Variants in SLC44A1 observed in about 807,000 individuals in gnomAD.
SLC44A1 encodes the protein solute carrier family 44 member 1.
Under a neutral mutation model 79.3 loss-of-function variants are expected in SLC44A1, and 26 were observed. The observed-to-expected ratio is 0.33, with a 90% CI of 0.24 to 0.46. SLC44A1 has a LOEUF of 0.46. Among genes scored for constraint, SLC44A1 ranks in the 20% least tolerant of loss-of-function variants. The pLI, the probability that SLC44A1 is intolerant of heterozygous loss-of-function variation, is 1.00. For missense variants in SLC44A1, 688 were observed against 798.1 expected (o/e 0.86, Z 1.66); for synonymous variants, 263 against 286.2 (o/e 0.92, Z 0.82).
At chr9:105,264,437 G>A (rs765691695) in intron 1 of SLC44A1, among the ~76,000 whole-genome samples, 3 of 152,204 alleles carry the variant, frequency 2.0e-5, no homozygotes, top group African/African-American at 7.2e-5. Flanking sequence ...GAAGTGCAGG[G>A]ATTACAGGCG....
At chr9:105,309,235 G>A (rs192160390) in intron 2 of SLC44A1, among the ~76,000 whole-genome samples, 5 of 152,006 alleles carry the variant, frequency 3.3e-5, no homozygotes, top group Non-Finnish European at 7.4e-5. Context: ...TTCACTTAAC[G>A]GAACCCCTTT....
exon 16 of SLC44A1, chr9:105,438,492 C>A: frequency 2.0e-6 from 1 of 509,098 alleles, no homozygotes; most frequent in Non-Finnish European, 3.5e-6. Context: ...TAATCAAAAG[C>A]ATTTGATAGA....
At chr9:105,257,168 C>G (rs542458290) in intron 1 of SLC44A1, among the ~76,000 whole-genome samples, 15 of 152,114 alleles carry the variant, frequency 9.9e-5, no homozygotes, top group Middle Eastern at 6.8e-3. Flanking sequence ...ATGATCTCAG[C>G]TCACTGCAAC....
chr9:105,403,747 T>C (rs142102713), intron 15 of SLC44A1, among the ~76,000 whole-genome samples: 25 of 149,478 alleles, frequency 1.7e-4, no homozygotes, highest in Non-Finnish European at 3.6e-4. Flanking sequence ...AAATAAGCCT[T>C]TGGGGAAAGG....
intron 5 of SLC44A1, among the ~76,000 whole-genome samples, chr9:105,350,857 A>G (rs1230630892): frequency 1.3e-5 from 2 of 152,216 alleles, no homozygotes; most frequent in East Asian, 3.8e-4. Flanking sequence ...TTGGGTATCC[A>G]GGGGCCTTCT....
intron 15 of SLC44A1, among the ~76,000 whole-genome samples, chr9:105,429,406 C>T (rs892658694): frequency 1.3e-5 from 2 of 152,156 alleles, no homozygotes; most frequent in African/African-American, 4.8e-5. Flanking sequence ...TGGCTCAAGC[C>T]ATCCTCCCAC....
intron 5 of SLC44A1, among the ~76,000 whole-genome samples, chr9:105,350,339 T>G (rs1430722137): frequency 1.3e-5 from 2 of 152,142 alleles, no homozygotes; most frequent in Non-Finnish European, 2.9e-5. Flanking sequence ...GATCTGAGAA[T>G]AAGAATAAAT....
At chr9:105,328,775 C>T (rs1036978977) in intron 3 of SLC44A1, among the ~76,000 whole-genome samples, 1 of 152,092 alleles carries the variant, frequency 6.6e-6, no homozygotes, top group Admixed American at 6.5e-5. Flanking sequence ...TGAGATGGAT[C>T]CTTAGGTTTT....
At chr9:105,278,669 C>G (rs886695277) in intron 1 of SLC44A1, among the ~76,000 whole-genome samples, 1 of 152,178 alleles carries the variant, frequency 6.6e-6, no homozygotes, top group Non-Finnish European at 1.5e-5. Flanking sequence ...GCATGAGCCA[C>G]CATGCCTGGC....
rs935113725 is a variant in SLC44A1 at position 105,385,764 on chromosome 9, T to G, written c.1950+262T>G. ...GGCAGGGGCGGGTAGGGGATGATGG[T>G]TTTTTCCCTAAGGTAAAACTGCTGT... On this transcript the variant is annotated intron_variant, in intron 15 of 15. Transcript: ENST00000374720. The G allele has an allele frequency of 4.1e-6, 4 of 985,238 alleles. No homozygotes were observed. In the Admixed American group the frequency reaches 1.8e-4, roughly 45 times the overall value. 61.0% of individuals were successfully genotyped at this position (985,238 alleles called of 1,614,324 possible).
Position 105,304,136 on chromosome 9 carries a change from G to T in SLC44A1, c.126+4827G>T, listed in dbSNP as rs543299199. 3.3e-5 allele frequency among the ~76,000 whole-genome samples: 5 copies of T among 152,312 alleles called. No homozygotes were observed. The South Asian group carries it at 1.0e-3, about 32-fold the overall frequency. Reference sequence around the variant, plus strand: ...TGGATTTAGGGGACATCATCTCATAGTTTGTCCCTTCAGACTGCTTTCAAG... The same window carrying T: ...TGGATTTAGGGGACATCATCTCATATTTTGTCCCTTCAGACTGCTTTCAAG... On this transcript the variant is annotated intron_variant, in intron 2 of 15. Transcript: ENST00000374720.
intron 1 of SLC44A1, among the ~76,000 whole-genome samples, chr9:105,264,484 C>T (rs1359808749): frequency 6.6e-6 from 1 of 152,146 alleles, no homozygotes; most frequent in African/African-American, 2.4e-5. Context: ...TAGTCTTCAT[C>T]TTATGACTAA....
At chr9:105,260,863 G>A (rs1266773928) in intron 1 of SLC44A1, among the ~76,000 whole-genome samples, 4 of 152,180 alleles carry the variant, frequency 2.6e-5, no homozygotes, top group Non-Finnish European at 5.9e-5. Flanking sequence ...ATTCGGAGAT[G>A]GAATGCTATC....
intron 12 of SLC44A1, among the ~76,000 whole-genome samples, chr9:105,368,177 C>A (rs2131425500): frequency 1.3e-5 from 2 of 151,316 alleles, no homozygotes; most frequent in South Asian, 4.2e-4. Flanking sequence ...TGATTTAGTA[C>A]CAACAACCCT....
intron 15 of SLC44A1, among the ~76,000 whole-genome samples, chr9:105,433,066 G>A (rs142231078): frequency 0.025 from 3,790 of 152,102 alleles, 54 homozygotes; most frequent in Middle Eastern, 0.048. Flanking sequence ...AGGCCGAAGC[G>A]GGGTGGATCA....
In SLC44A1 at chr9:105,395,474, C is replaced by G. The variant is rs574407347; in HGVS notation, c.*6418C>G. 8.8e-5 allele frequency: 76 copies of G among 863,036 alleles called. No homozygotes were observed. Among genetic ancestry groups the G allele is most frequent in the Non-Finnish European group, 1.0e-4 (74 of 718,236 alleles). The allele number at this position is 863,036 out of a possible 1,614,324, so 53.5% of individuals were successfully genotyped here. A position where few individuals can be genotyped will look rare whatever the true frequency, so the allele number is the denominator to read the frequency against. ...CCTCAGGTGATCCACCCGCCTCAGC[C>G]TCCCAAAGTGCTGGGATTACAGGCA... On this transcript the variant is annotated 3_prime_UTR_variant, in exon 16 of 16. Transcript: ENST00000374720.
chr9:105,258,192 G>A (rs1173566217), intron 1 of SLC44A1, among the ~76,000 whole-genome samples: 1 of 152,232 alleles, frequency 6.6e-6, no homozygotes, highest in Non-Finnish European at 1.5e-5. Flanking sequence ...TGTTAGTTGA[G>A]ATGGGGACTA....
intron 15 of SLC44A1, among the ~76,000 whole-genome samples, chr9:105,405,717 C>A (rs1829021250): frequency 6.6e-6 from 1 of 152,024 alleles, no homozygotes; most frequent in South Asian, 2.1e-4. Context: ...AGGGGTTTAT[C>A]TTTGTGTCAC....
intron 1 of SLC44A1, among the ~76,000 whole-genome samples, chr9:105,295,320 G>T (rs553805320): frequency 6.6e-6 from 1 of 152,186 alleles, no homozygotes; most frequent in Admixed American, 6.5e-5. Context: ...GTACTATTCA[G>T]TTCCTAAACC....
Sources: allele counts gnomAD v4.1 joint callset (sites outside exome capture counted in the v4.1 genomes callset), GRCh38; gene constraint gnomAD v4.1.1; transcripts MANE v1.5; gene names NCBI Gene and HGNC (gene_info 2026-07-23, HGNC 2026-07-21).